Variants in GALNT5 observed in about 807,000 individuals in gnomAD.
GALNT5 encodes the protein UDP-GalNAc:polypeptide N-acetylgalactosaminyltransferase 5.
GALNT5 carries 72 observed loss-of-function variants against 85.4 expected under a neutral mutation model. The ratio of observed to expected loss-of-function variants is 0.84; its 90% CI spans 0.70 to 1.03. The LOEUF (loss-of-function observed/expected upper bound fraction) is 1.03. Among genes scored for constraint, GALNT5 ranks in the 50% least tolerant of loss-of-function variants. GALNT5 has a pLI of 0.00. For synonymous variants in GALNT5, 404 were observed against 397.0 expected (o/e 1.02, Z -0.21); for missense variants, 1,137 against 1,135.5 (o/e 1.00, Z -0.02).
At chr2:157,267,042 T>A (rs1682471248) in intron 1 of GALNT5, among the ~76,000 whole-genome samples, 1 of 152,170 alleles carries the variant, frequency 6.6e-6, no homozygotes. Context: ...CAGAGCATGG[T>A]CATTGACTTC....
chr2:157,296,593 T>G, intron 5 of GALNT5, 80 bp downstream of exon 5: 86 of 947,900 alleles, frequency 9.1e-5, no homozygotes, highest in Middle Eastern at 2.7e-4. Flanking sequence ...AAAACAGCTG[T>G]ATCTTGTTAT....
chr2:157,302,525 A>G (rs1294683452), intron 7 of GALNT5: 4 of 152,192 alleles, frequency 2.6e-5, no homozygotes. Context: ...TCAAATAACA[A>G]CATGTCAAAT....
intron 8 of GALNT5, among the ~76,000 whole-genome samples, 169 bp from the exon 9 acceptor site, chr2:157,308,398 T>C (rs1000093618): frequency 6.6e-6 from 1 of 152,178 alleles, no homozygotes; most frequent in East Asian, 1.9e-4. Flanking sequence ...TTAGACAGGG[T>C]AAATAATATG....
chr2:157,286,462 T>C (rs1253102038), intron 3 of GALNT5, among the ~76,000 whole-genome samples: 3 of 152,160 alleles, frequency 2.0e-5, no homozygotes, highest in Non-Finnish European at 4.4e-5. Context: ...ACCTACTATA[T>C]GCTCTTTTCA....
In GALNT5 at chr2:157,267,258, G is replaced by A. The variant is rs1014129070; in HGVS notation, c.1454+7722G>A. Among the ~76,000 whole-genome samples, 8 of 152,180 alleles carry A rather than the reference G, an allele frequency of 5.3e-5. No homozygotes were observed. The East Asian group carries it at 1.5e-3, about 29-fold the overall frequency. On this transcript the variant is annotated intron_variant, in intron 1 of 9. Transcript: ENST00000259056. ...CTGACATGGGTTGCAGGAGAGCAATGAGGACGTAAATGAGGCCACAGAAGT... is the reference window on the plus strand; with the variant it reads ...CTGACATGGGTTGCAGGAGAGCAATAAGGACGTAAATGAGGCCACAGAAGT...
chr2:157,271,297 G>T (rs1285895209), intron 1 of GALNT5, among the ~76,000 whole-genome samples: 1 of 152,210 alleles, frequency 6.6e-6, no homozygotes, highest in Non-Finnish European at 1.5e-5. Context: ...TGGAGTGTGT[G>T]AGGGGAGAGT....
intron 7 of GALNT5, 85 bp from the exon 8 acceptor site, chr2:157,305,664 A>G: frequency 2.6e-6 from 2 of 770,166 alleles, no homozygotes; most frequent in Non-Finnish European, 4.5e-6. Context: ...TTATAGTTTT[A>G]TATTCTGTAT....
At chr2:157,299,821 T>C (rs1378848562) in intron 6 of GALNT5, among the ~76,000 whole-genome samples, 156 bp downstream of exon 6, 4 of 152,204 alleles carry the variant, frequency 2.6e-5, no homozygotes, top group Non-Finnish European at 4.4e-5. Context: ...ATATCTCAGA[T>C]TGAATTTGGA....
intron 3 of GALNT5, among the ~76,000 whole-genome samples, chr2:157,289,073 T>A (rs1039910277): frequency 5.3e-5 from 8 of 152,186 alleles, no homozygotes; most frequent in Admixed American, 5.2e-4. Flanking sequence ...AATGAGATAT[T>A]CATGCACAGA....
chr2:157,282,214 C>A (rs1158034875), intron 1 of GALNT5, among the ~76,000 whole-genome samples: 1 of 152,036 alleles, frequency 6.6e-6, no homozygotes, highest in Non-Finnish European at 1.5e-5. Flanking sequence ...ATGCTCCTAT[C>A]AGCTGTCAAT....
intron 2 of GALNT5, among the ~76,000 whole-genome samples, chr2:157,285,240 A>G (rs1276556019): frequency 2.0e-5 from 3 of 152,198 alleles, no homozygotes; most frequent in Admixed American, 2.0e-4. Context: ...CTGTGGGATG[A>G]TAGAGAAAAA....
In GALNT5 at chr2:157,308,640, A is replaced by C; in HGVS notation, c.2594A>C (p.Lys865Thr). 1 of 1,613,616 alleles carries C rather than the reference A, an allele frequency of 6.2e-7. No homozygotes were observed. The highest frequency in any genetic ancestry group is 8.5e-7 in the Non-Finnish European group (1 of 1,179,536). The change falls in exon 9 of 10, where the codon AAA becomes ACA. Residue 865 changes from lysine (K) to threonine (T), a missense_variant. By Grantham distance (78) the Lys-to-Thr change is moderately conservative. Transcript: ENST00000259056. ...GEWCIAPIPD[K>T]GAVRLHPCDN... is the part of the protein sequence containing the mutation. ...TGGTGTATAGCCCCCATCCCTGATAAAGGAGCCGTAAGGCTGCACCCTTGT... is the reference window on the plus strand; with the variant it reads ...TGGTGTATAGCCCCCATCCCTGATACAGGAGCCGTAAGGCTGCACCCTTGT...
intron 9 of GALNT5, among the ~76,000 whole-genome samples, chr2:157,310,941 T>C (rs916572155): frequency 2.0e-5 from 3 of 152,214 alleles, no homozygotes; most frequent in African/African-American, 7.2e-5. Context: ...AGAGTATAGT[T>C]CTCAGCCATA....
At chr2:157,262,361 G>A (rs1025117764) in intron 1 of GALNT5, among the ~76,000 whole-genome samples, 2 of 152,044 alleles carry the variant, frequency 1.3e-5, no homozygotes, top group East Asian at 3.8e-4. Flanking sequence ...TAGAGGACAG[G>A]CATGGTAGCT....
chr2:157,294,432 A>G (rs1378568707), intron 3 of GALNT5, among the ~76,000 whole-genome samples: 1 of 152,226 alleles, frequency 6.6e-6, no homozygotes, highest in Non-Finnish European at 1.5e-5. Context: ...AGCACTGAAT[A>G]GTGAGTCAGA....
intron 7 of GALNT5, among the ~76,000 whole-genome samples, chr2:157,304,744 T>A (rs534530123): frequency 6.6e-6 from 1 of 152,302 alleles, no homozygotes; most frequent in Non-Finnish European, 1.5e-5. Context: ...CATATTCTGA[T>A]CCCTGAAGAT....
In GALNT5 at chr2:157,317,174, G is replaced by GTATATGTA. The variant is rs1683726077; in HGVS notation, c.*5831_*5832insGTATATAT. Among the ~76,000 whole-genome samples the GTATATGTA allele has an allele frequency of 7.2e-6, 1 of 139,322 alleles. No individual in the cohort carries two copies. The highest frequency in any genetic ancestry group is 2.6e-5 in the African/African-American group (1 of 37,952). 91.4% of individuals were successfully genotyped at this position (139,322 alleles called of 152,430 possible). On this transcript the variant is annotated 3_prime_UTR_variant, in exon 10 of 10. Coordinates refer to ENST00000259056, the MANE Select transcript of GALNT5 (RefSeq NM_014568.3). Reference sequence around the variant, plus strand: ...TTTTGTAAATATACTGTATGTGTGTGTATATATATATATATATATATATAT... The same window carrying GTATATGTA: ...TTTTGTAAATATACTGTATGTGTGTGTATATGTATATATATATATATATATATATATAT...
At chr2:157,285,736 C>A (rs1333933946) in intron 2 of GALNT5, among the ~76,000 whole-genome samples, 1 of 152,164 alleles carries the variant, frequency 6.6e-6, no homozygotes, top group Non-Finnish European at 1.5e-5. Context: ...CTGCCCCCAC[C>A]TTGACAAATA....
intron 3 of GALNT5, among the ~76,000 whole-genome samples, chr2:157,293,890 G>A (rs1683155190): frequency 6.6e-6 from 1 of 152,186 alleles, no homozygotes; most frequent in South Asian, 2.1e-4. Flanking sequence ...TCTATGGAAT[G>A]AGCTACTTAT....
Sources: allele counts gnomAD v4.1 joint callset (sites outside exome capture counted in the v4.1 genomes callset), GRCh38; gene constraint gnomAD v4.1.1; transcripts MANE v1.5; gene names NCBI Gene and HGNC (gene_info 2026-07-23, HGNC 2026-07-21).